TRDN: variants seen among roughly 807,000 people sequenced by gnomAD.
TRDN encodes triadin in skeletal muscle.
TRDN carries 161 observed loss-of-function variants against 149.7 expected under a neutral mutation model. The ratio of observed to expected loss-of-function variants is 1.08; its 90% CI spans 0.95 to 1.23. The LOEUF (loss-of-function observed/expected upper bound fraction) is 1.23, where lower values mean the gene tolerates loss of function less well. Among genes scored for constraint, TRDN ranks in the 50% most tolerant of loss-of-function variants. The pLI, the probability that TRDN is intolerant of heterozygous loss-of-function variation, is 0.00. For missense variants in TRDN, 896 were observed against 823.5 expected, an observed-to-expected ratio of 1.09 and a Z score of -1.08; for synonymous variants, 294 against 250.5, an observed-to-expected ratio of 1.17 and a Z score of -1.64.
intron 21 of TRDN, chr6:123,351,776 GT>G (rs1780470626): frequency 1.1e-6 from 1 of 918,666 alleles, no homozygotes; most frequent in African/African-American, 1.8e-5. Context: ...ATTATTGCAA[GT>G]TCTAATTTAA....
intron 2 of TRDN, among the ~76,000 whole-genome samples, chr6:123,563,480 T>TA (rs1005623136): frequency 6.6e-6 from 1 of 152,122 alleles, no homozygotes; most frequent in Non-Finnish European, 1.5e-5. Flanking sequence ...TTTCTCTTCT[T>TA]AAAAAAAGCC....
chr6:123,384,133 T>C (rs1781820684), intron 14 of TRDN, among the ~76,000 whole-genome samples: 1 of 152,196 alleles, frequency 6.6e-6, no homozygotes, highest in Admixed American at 6.5e-5. Flanking sequence ...CCTGAATAAT[T>C]ATTTTAATTG....
chr6:123,336,292 G>A (rs765693465), intron 22 of TRDN, among the ~76,000 whole-genome samples: 7 of 152,042 alleles, frequency 4.6e-5, no homozygotes, highest in Non-Finnish European at 8.8e-5. Flanking sequence ...CCCACAGTGT[G>A]ACACTGAGTA....
chr6:123,258,213 G>A (rs916794189), intron 35 of TRDN, among the ~76,000 whole-genome samples: 4 of 151,952 alleles, frequency 2.6e-5, no homozygotes, highest in African/African-American at 4.8e-5. Flanking sequence ...GTCTTTTGTC[G>A]GCTTTCAAAG....
At chr6:123,310,856 A>G (rs945107654) in intron 24 of TRDN, among the ~76,000 whole-genome samples, 11 of 151,966 alleles carry the variant, frequency 7.2e-5, no homozygotes, top group African/African-American at 2.7e-4. Flanking sequence ...ATTAGTAAGA[A>G]AGAGAATTGA....
At chr6:123,238,276 T>A (rs1775859930) in intron 38 of TRDN, among the ~76,000 whole-genome samples, 4 of 152,128 alleles carry the variant, frequency 2.6e-5, no homozygotes, top group Admixed American at 2.6e-4. Flanking sequence ...ACTAATAAAA[T>A]TCACATATTC....
chr6:123,393,502 A>G (rs923129680), intron 13 of TRDN, 122 bp downstream of exon 13: 1 of 832,378 alleles, frequency 1.2e-6, no homozygotes, highest in Non-Finnish European at 1.8e-6. Context: ...ATTCAACAAT[A>G]TTTTTTTTGC....
chr6:123,576,800 A>T (rs979359049), intron 1 of TRDN, among the ~76,000 whole-genome samples: 4 of 152,088 alleles, frequency 2.6e-5, no homozygotes, highest in Non-Finnish European at 4.4e-5. Flanking sequence ...TAGTCCCACC[A>T]CTAGAAAAAG....
intron 24 of TRDN, among the ~76,000 whole-genome samples, chr6:123,284,703 T>C (rs1021227536): frequency 1.3e-5 from 2 of 152,066 alleles, no homozygotes; most frequent in African/African-American, 4.8e-5. Flanking sequence ...GGCATTCAAA[T>C]CAGTAAAGAG....
At chr6:123,456,973 C>T in intron 10 of TRDN, 1 of 385,748 alleles carries the variant, frequency 2.6e-6, no homozygotes, top group Non-Finnish European at 5.3e-6. Flanking sequence ...TACTTGTAAG[C>T]AAGAGCATTG....
intron 29 of TRDN, among the ~76,000 whole-genome samples, chr6:123,272,142 C>A (rs561091766): frequency 6.6e-6 from 1 of 151,898 alleles, no homozygotes; most frequent in Admixed American, 6.6e-5. Context: ...ATCACACAGA[C>A]TAAAACCCAT....
intron 19 of TRDN, among the ~76,000 whole-genome samples, chr6:123,372,590 A>C (rs1781363795): frequency 6.6e-6 from 1 of 152,158 alleles, no homozygotes; most frequent in African/African-American, 2.4e-5. Context: ...CTTGAGGTGG[A>C]ATAAAGTGAC....
At chr6:123,549,695 G>A (rs1262457168) in intron 2 of TRDN, among the ~76,000 whole-genome samples, 1 of 152,026 alleles carries the variant, frequency 6.6e-6, no homozygotes, top group Non-Finnish European at 1.5e-5. Flanking sequence ...AGGGTGCCAG[G>A]CTGGGAACAG....
At chr6:123,494,723 T>G (rs758744942) in intron 9 of TRDN, among the ~76,000 whole-genome samples, 14 of 152,116 alleles carry the variant, frequency 9.2e-5, no homozygotes, top group Non-Finnish European at 1.6e-4. Flanking sequence ...AGCACTCCTT[T>G]GACCTAAAAT....
chr6:123,349,895 G>T (rs1780391031), intron 21 of TRDN: 2 of 985,206 alleles, frequency 2.0e-6, no homozygotes, highest in African/African-American at 1.7e-5. Flanking sequence ...GTTTTGCCTG[G>T]TGTTGTGACA....
rs192507180 is a variant in TRDN, at chr6:123,481,640, T to C, written c.853+15553A>G. 5.9e-3 allele frequency among the ~76,000 whole-genome samples: 901 copies of C among 152,214 alleles called. 9 individuals are homozygous for C. Among genetic ancestry groups the C allele is most frequent in the Non-Finnish European group, 5.5e-3 (372 of 67,982 alleles). ...CATACCTAGAACTTAGCACAGTACC[T>C]GACATACCATTAGCACTCAGTACCA... On this transcript the variant is annotated intron_variant, in intron 9 of 40. Transcript: ENST00000334268.
chr6:123,366,017 A>C (rs1781086374), intron 20 of TRDN, 118 bp downstream of exon 20: 2 of 846,178 alleles, frequency 2.4e-6, no homozygotes, highest in Middle Eastern at 2.9e-4. Flanking sequence ...TTTCTATATC[A>C]ACGAACTAGT....
intron 9 of TRDN, among the ~76,000 whole-genome samples, chr6:123,496,245 TCAA>T (rs1778442588): frequency 6.6e-6 from 1 of 151,036 alleles, no homozygotes; most frequent in African/African-American, 2.4e-5. Flanking sequence ...ATTACTGGGA[TCAA>T]CAACATTTTC....
intron 14 of TRDN, among the ~76,000 whole-genome samples, chr6:123,388,209 G>A (rs749716552): frequency 2.6e-5 from 4 of 152,020 alleles, no homozygotes; most frequent in African/African-American, 9.7e-5. Context: ...TTTGAATGCC[G>A]ATGAGAATGA....
Sources: allele counts gnomAD v4.1 joint callset (sites outside exome capture counted in the v4.1 genomes callset), GRCh38; gene constraint gnomAD v4.1.1; transcripts MANE v1.5; gene names NCBI Gene and HGNC (gene_info 2026-07-23, HGNC 2026-07-21).